SRGAP1: variants seen among roughly 807,000 people sequenced by gnomAD.
SRGAP1 encodes SLIT-ROBO Rho GTPase activating protein 1.
In SRGAP1, 43 loss-of-function variants were observed where a neutral mutation model predicts 121.9. The observed-to-expected ratio is 0.35, with a 90% CI of 0.28 to 0.46. The LOEUF (loss-of-function observed/expected upper bound fraction) is 0.46, where lower values mean the gene tolerates loss of function less well. SRGAP1 is among the 20% of genes least tolerant of loss of function. The probability of loss-of-function intolerance (pLI) is 1.00; values close to 1 mark genes in which losing one functional copy is unlikely to be tolerated. For missense variants in SRGAP1, 1,102 were observed against 1,350.9 expected, an observed-to-expected ratio of 0.82 and a Z score of 2.89; for synonymous variants, 447 against 485.4, an observed-to-expected ratio of 0.92 and a Z score of 1.04.
At chr12:63,912,113 TTTA>T in intron 1 of SRGAP1, among the ~76,000 whole-genome samples, 1 of 152,230 alleles carries the variant, frequency 6.6e-6, no homozygotes, top group South Asian at 2.1e-4. Context: ...TCCATTTCCT[TTTA>T]TTTTTAATGA....
At position 64,038,349 on chromosome 12, in the gene SRGAP1, G is replaced by A. The variant is rs535766769; in HGVS notation, c.490-4441G>A. Among the ~76,000 whole-genome samples the A allele has an allele frequency of 8.2e-4, 124 of 152,072 alleles. 4 individuals carry two copies. The South Asian group carries it at 0.024, about 30-fold the overall frequency. ...TTTAAATTAAAAAAATACACACACA[G>A]GGACACACAATTTGGCATCCATGAC... On this transcript the variant is annotated intron_variant, in intron 4 of 21. Coordinates refer to ENST00000355086, the MANE Select transcript of SRGAP1 (RefSeq NM_020762.4).
chr12:64,043,506 C>A lies in SRGAP1; in HGVS notation c.732C>A (p.Leu244=). 1 of 1,612,472 alleles carries A rather than the reference C, an allele frequency of 6.2e-7. No individual in the cohort carries two copies. Among genetic ancestry groups the A allele is most frequent in the Non-Finnish European group, 8.5e-7 (1 of 1,179,074 alleles). The change falls in exon 6 of 22, where the codon CTC becomes CTA. Residue 244 remains leucine, a synonymous_variant. Transcript: ENST00000355086. ...CAATTAAGGCACGGAACGAATATCTCCTAACACTTGAAGCCACCAATGCCT... is the reference window on the plus strand; with the variant it reads ...CAATTAAGGCACGGAACGAATATCTACTAACACTTGAAGCCACCAATGCCT... ...LKSIKARNEY[L]LTLEATNASV... is the part of the protein sequence containing the mutation.
chr12:64,113,737 A>G (rs1269845291), intron 17 of SRGAP1, among the ~76,000 whole-genome samples: 1 of 152,208 alleles, frequency 6.6e-6, no homozygotes, highest in Admixed American at 6.5e-5. Flanking sequence ...ATTTAGCATG[A>G]CCACTCTACC....
intron 1 of SRGAP1, among the ~76,000 whole-genome samples, chr12:63,980,596 C>CTT (rs1289101775): frequency 2.7e-4 from 37 of 136,366 alleles, no homozygotes; most frequent in African/African-American, 7.0e-4. Context: ...CGAGATGTTT[C>CTT]TTTTTTTTTT....
At chr12:63,852,754 A>C (rs553283441) in intron 1 of SRGAP1, among the ~76,000 whole-genome samples, 17 of 152,256 alleles carry the variant, frequency 1.1e-4, no homozygotes, top group Admixed American at 7.2e-4. Flanking sequence ...CCTTAATCTC[A>C]TAGTCTTGAG....
At chr12:63,930,639 A>G (rs2136337200) in intron 1 of SRGAP1, among the ~76,000 whole-genome samples, 1 of 152,294 alleles carries the variant, frequency 6.6e-6, no homozygotes, top group Admixed American at 6.5e-5. Flanking sequence ...AATAGGTTAC[A>G]TCAATTTCTT....
At chr12:64,059,308 ATG>A (rs1055554516) in intron 6 of SRGAP1, among the ~76,000 whole-genome samples, 4 of 152,180 alleles carry the variant, frequency 2.6e-5, no homozygotes, top group Non-Finnish European at 4.4e-5. Flanking sequence ...AAAATTTAGT[ATG>A]TATTTTTCAG....
Position 64,160,075 on chromosome 12 carries a change from T to C in SRGAP1, c.*17403T>C, listed in dbSNP as rs1438798737. ...TCAAACTCAATGCATTGAAACATGC[T>C]ATAGTTTATAAATCTTGGATCCATC... On this transcript the variant is annotated 3_prime_UTR_variant, in exon 22 of 22. Coordinates refer to ENST00000355086, the MANE Select transcript of SRGAP1 (RefSeq NM_020762.4). The C allele has an allele frequency of 2.0e-5, 3 of 152,238 alleles. No homozygotes were observed. Among genetic ancestry groups the C allele is most frequent in the Non-Finnish European group, 4.4e-5 (3 of 68,038 alleles). The allele number at this position is 152,238 out of a possible 1,614,324, so 9.4% of individuals were successfully genotyped here.
In SRGAP1 at chr12:64,149,521, T is replaced by G. The variant is rs2037096320; in HGVS notation, c.*6849T>G. On this transcript the variant is annotated 3_prime_UTR_variant, in exon 22 of 22. Transcript: ENST00000355086. Reference sequence around the variant, plus strand: ...TCCACCATCCTGCTACCCTCAAATCTTAAGCTCCTCAGCCTGCCACGACCA... The same window carrying G: ...TCCACCATCCTGCTACCCTCAAATCGTAAGCTCCTCAGCCTGCCACGACCA... 1 of 152,388 alleles carries G rather than the reference T, an allele frequency of 6.6e-6. No homozygotes were observed. The allele number at this position is 152,388 out of a possible 1,614,324, so 9.4% of individuals were successfully genotyped here. A position where few individuals can be genotyped will look rare whatever the true frequency, so the allele number is the denominator to read the frequency against.
At chr12:63,977,764 C>T (rs2033131671) in intron 1 of SRGAP1, among the ~76,000 whole-genome samples, 1 of 151,560 alleles carries the variant, frequency 6.6e-6, no homozygotes. Context: ...TGATTCATTC[C>T]GTAGTGATGC....
At chr12:63,975,523 C>T (rs2033068844) in intron 1 of SRGAP1, among the ~76,000 whole-genome samples, 2 of 152,064 alleles carry the variant, frequency 1.3e-5, no homozygotes, top group Admixed American at 6.6e-5. Context: ...TTATATAATA[C>T]AATATATCCA....
At chr12:64,025,156 A>T (rs562796492) in intron 4 of SRGAP1, among the ~76,000 whole-genome samples, 7 of 152,024 alleles carry the variant, frequency 4.6e-5, no homozygotes, top group Non-Finnish European at 7.4e-5. Context: ...TTTAAATAAA[A>T]AAAAAAAAAA....
intron 1 of SRGAP1, among the ~76,000 whole-genome samples, chr12:63,868,083 TTTTTTTTTTG>T (rs1899720445): frequency 6.3e-4 from 53 of 84,758 alleles, no homozygotes; most frequent in African/African-American, 1.8e-3. Flanking sequence ...TTTTTTGTTT[TTTTTTTTTTG>T]TTTTTTGAGA....
intron 21 of SRGAP1, among the ~76,000 whole-genome samples, chr12:64,130,191 C>T (rs1305378112): frequency 6.6e-6 from 1 of 152,096 alleles, no homozygotes; most frequent in Non-Finnish European, 1.5e-5. Flanking sequence ...GTGGAGTAGT[C>T]GACTGATTTC....
Position 64,062,936 on chromosome 12 carries a change from A to G in SRGAP1, c.821A>G (p.His274Arg). The part of the protein sequence containing the change: ...DLIDCCDLGY[H>R]ASLNRALRTY... Reference sequence around the variant, plus strand: ...TTTAAGTGCTGTGATCTTGGCTACCATGCAAGTCTGAACAGAGCCCTAAGA... The same window carrying G: ...TTTAAGTGCTGTGATCTTGGCTACCGTGCAAGTCTGAACAGAGCCCTAAGA... The change falls in exon 7 of 22, where the codon CAT (histidine) becomes CGT (arginine). Residue 274 changes from histidine (H) to arginine (R), a missense_variant. This residue lies in a region of SRGAP1 where 747 missense variants were observed against 929.4 expected (regional missense o/e 0.80). Coordinates refer to ENST00000355086, the MANE Select transcript of SRGAP1 (RefSeq NM_020762.4). 1 of 1,612,850 alleles carries G rather than the reference A, an allele frequency of 6.2e-7. No homozygotes were observed. Among genetic ancestry groups the G allele is most frequent in the Non-Finnish European group, 8.5e-7 (1 of 1,179,366 alleles).
chr12:64,101,651 T>G (rs1216389807), intron 15 of SRGAP1, among the ~76,000 whole-genome samples: 1 of 152,122 alleles, frequency 6.6e-6, no homozygotes, highest in Non-Finnish European at 1.5e-5. Context: ...TTGTGAGTGG[T>G]TTTGTCAATG....
intron 12 of SRGAP1, among the ~76,000 whole-genome samples, chr12:64,092,309 G>A (rs73321310): frequency 0.14 from 21,614 of 151,976 alleles, 1,914 homozygotes; most frequent in South Asian, 0.26. Flanking sequence ...CATGGGCTGC[G>A]GTGTTTCTGC....
rs150662537 is a variant in SRGAP1, at chr12:64,028,568, G to T, written c.489+11556G>T. 8.5e-5 allele frequency among the ~76,000 whole-genome samples: 13 copies of T among 152,326 alleles called. 1 individual carries two copies. The highest frequency in any genetic ancestry group is 3.1e-4 in the African/African-American group (13 of 41,580). ...ATAAACAACAGAAACTTATTTTCCA[G>T]TTCTAGAGCTGGGACATCCAAGATC... is the stretch of plus-strand genomic sequence containing the variant. On this transcript the variant is annotated intron_variant, in intron 4 of 21. Coordinates refer to ENST00000355086, the MANE Select transcript of SRGAP1 (RefSeq NM_020762.4).
chr12:63,982,210 C>CA (rs2033273830), intron 1 of SRGAP1, among the ~76,000 whole-genome samples: 1 of 139,614 alleles, frequency 7.2e-6, no homozygotes, highest in African/African-American at 2.7e-5. Flanking sequence ...GACTCCGTCT[C>CA]AAAACAAAAA....
Sources: allele counts gnomAD v4.1 joint callset (sites outside exome capture counted in the v4.1 genomes callset), GRCh38; gene constraint gnomAD v4.1.1; regional missense constraint gnomAD v4.1.1; transcripts MANE v1.5; gene names NCBI Gene and HGNC (gene_info 2026-07-23, HGNC 2026-07-21).